The following GRIN2B variants were observed in gnomAD, a reference collection of about 807,000 sequenced individuals.
GRIN2B encodes the protein glutamate ionotropic receptor NMDA type subunit 2B, also known as glutamate receptor ionotropic, NMDA 2B.
A neutral mutation model predicts 114.5 loss-of-function variants in GRIN2B; 5 were observed. The ratio of observed to expected loss-of-function variants is 0.04; its 90% CI spans 0.02 to 0.09. The LOEUF (loss-of-function observed/expected upper bound fraction) is 0.09. GRIN2B is among the 10% of genes least tolerant of loss of function. GRIN2B has a pLI of 1.00. For synonymous variants in GRIN2B, 787 were observed against 745.1 expected (o/e 1.06, Z -0.92); for missense variants, 1,108 against 1,943.5 (o/e 0.57, Z 8.08).
Position 13,564,702 on chromosome 12 carries a change from ACT to A in GRIN2B, c.2599-65_2599-64del. On this transcript the variant is annotated intron_variant, in intron 13 of 13. Coordinates refer to ENST00000609686, the MANE Select transcript of GRIN2B (RefSeq NM_000834.5). The surrounding 1 kb of genome is among the most constrained non-coding windows in gnomAD (Gnocchi z 4.8). Reference sequence around the variant, plus strand: ...GAGGCTAGAAATGACCACAAAAAACACTCTCCCACCAATAATTGCTCCAACTG... The same window carrying A: ...GAGGCTAGAAATGACCACAAAAAACACTCCCACCAATAATTGCTCCAACTG... 1 of 1,394,328 alleles carries A rather than the reference ACT, an allele frequency of 7.2e-7. No individual in the cohort carries two copies. Among genetic ancestry groups the A allele is most frequent in the East Asian group, 2.3e-5 (1 of 43,830 alleles). The allele number at this position is 1,394,328 out of a possible 1,614,324, so 86.4% of individuals were successfully genotyped here. A position where few individuals can be genotyped will look rare whatever the true frequency, so the allele number is the denominator to read the frequency against.
At chr12:13,945,218 T>G (rs1261649505) in intron 2 of GRIN2B, among the ~76,000 whole-genome samples, 1 of 152,126 alleles carries the variant, frequency 6.6e-6, no homozygotes, top group East Asian at 1.9e-4. Flanking sequence ...AAAATGCAAC[T>G]AAGCACCTGC....
chr12:13,968,530 A>G (rs537366001), intron 2 of GRIN2B, among the ~76,000 whole-genome samples: 1 of 152,340 alleles, frequency 6.6e-6, no homozygotes, highest in African/African-American at 2.4e-5. Context: ...GCCAAAGACC[A>G]GTGCCTCTCT....
At chr12:13,977,901 T>C (rs1380931883) in intron 2 of GRIN2B, among the ~76,000 whole-genome samples, 2 of 152,150 alleles carry the variant, frequency 1.3e-5, no homozygotes, top group African/African-American at 4.8e-5. Flanking sequence ...CCCCACCCAC[T>C]TTTTCCTCTC....
intron 2 of GRIN2B, among the ~76,000 whole-genome samples, chr12:13,905,296 T>C (rs1451414430): frequency 6.6e-6 from 1 of 152,202 alleles, no homozygotes; most frequent in Non-Finnish European, 1.5e-5. Context: ...GTTCACTAAT[T>C]CTCTCTTTAG....
rs1391052456 is a variant in GRIN2B, at chr12:13,753,400, A to G, written c.927T>C (p.Ser309=). 7 of 1,613,824 alleles carry G rather than the reference A, an allele frequency of 4.3e-6. 1 individual carries two copies. The highest frequency in any genetic ancestry group is 1.7e-6 in the Non-Finnish European group (2 of 1,179,774). The part of the protein sequence containing the change: ...IITTAASDML[S]EHSFIPEPKS... ...TGGGCTCAGGGATGAAGCTGTGCTC[A>G]GACAGCATGTCAGAAGCAGCAGTGG... Residue 309 remains serine, a synonymous_variant, in exon 4 of 14, where the codon TCT becomes TCC. Transcript: ENST00000609686. The surrounding 1 kb of genome is among the most constrained non-coding windows in gnomAD (Gnocchi z 6.2).
intron 2 of GRIN2B, among the ~76,000 whole-genome samples, chr12:13,892,692 C>G (rs1015630822): frequency 6.6e-6 from 1 of 152,204 alleles, no homozygotes; most frequent in East Asian, 1.9e-4. Flanking sequence ...ACAAAACAGT[C>G]TCCTAAGCTT....
At chr12:13,804,085 G>C (rs1225893365) in intron 3 of GRIN2B, among the ~76,000 whole-genome samples, 3 of 151,296 alleles carry the variant, frequency 2.0e-5, no homozygotes, top group Non-Finnish European at 4.4e-5. Flanking sequence ...ATTCCTGGGT[G>C]ATCAAGTATA....
intron 4 of GRIN2B, among the ~76,000 whole-genome samples, chr12:13,700,586 G>A (rs568219190): frequency 6.6e-6 from 1 of 152,240 alleles, no homozygotes; most frequent in East Asian, 1.9e-4. Flanking sequence ...CAAGTGGAAA[G>A]GCCCACATGG....
chr12:13,811,215 C>T (rs1365063152), intron 3 of GRIN2B, among the ~76,000 whole-genome samples: 1 of 152,242 alleles, frequency 6.6e-6, no homozygotes, highest in Admixed American at 6.5e-5. Context: ...CTCCTATTCT[C>T]ATCTGGTAAG....
At chr12:13,623,370 G>A (rs1949536437) in intron 5 of GRIN2B, among the ~76,000 whole-genome samples, 1 of 152,176 alleles carries the variant, frequency 6.6e-6, no homozygotes, top group Admixed American at 6.6e-5. Flanking sequence ...TGTTCTCAAT[G>A]GTGCCAGAAT....
intron 2 of GRIN2B, among the ~76,000 whole-genome samples, chr12:13,866,652 A>C (rs149016879): frequency 1.3e-5 from 2 of 152,316 alleles, no homozygotes; most frequent in East Asian, 3.9e-4. Flanking sequence ...GGTGAGCAAC[A>C]GAACATGGGC....
At chr12:13,592,226 G>A (rs555261222) in intron 10 of GRIN2B, among the ~76,000 whole-genome samples, 7 of 152,268 alleles carry the variant, frequency 4.6e-5, no homozygotes, top group East Asian at 1.9e-4. Flanking sequence ...AGAGGCCCTC[G>A]CTGGCAGGAA....
chr12:13,855,984 C>G (rs1865654411), intron 3 of GRIN2B, among the ~76,000 whole-genome samples: 1 of 152,178 alleles, frequency 6.6e-6, no homozygotes, highest in Non-Finnish European at 1.5e-5. Context: ...TGAGCCTACT[C>G]TACAGCAAGA....
At chr12:13,918,316 G>A (rs1001423851) in intron 2 of GRIN2B, among the ~76,000 whole-genome samples, 2 of 152,126 alleles carry the variant, frequency 1.3e-5, no homozygotes, top group Admixed American at 6.5e-5. Flanking sequence ...GAGGCAGGAG[G>A]ATAACTTGGG....
chr12:13,614,602 C>T (rs12582333), intron 8 of GRIN2B, among the ~76,000 whole-genome samples: 53,032 of 152,026 alleles, frequency 0.35, 10,698 homozygotes, highest in East Asian at 0.8. Context: ...ATCAGATCAG[C>T]TCTATCTGGC....
rs147733440 is a variant in GRIN2B at position 13,805,079 on chromosome 12, C to T, written c.412-51164G>A. Among the ~76,000 whole-genome samples, 42 of 152,192 alleles carry T rather than the reference C, an allele frequency of 2.8e-4. 1 individual carries two copies. The East Asian group carries it at 6.4e-3, about 23-fold the overall frequency. On this transcript the variant is annotated intron_variant, in intron 3 of 13. Transcript: ENST00000609686. ...AATTGTCCCCATTTTATTTAGAAGT[C>T]AATTTATTTCATTTTTTAGTATTTA...
chr12:13,584,763 T>C lies in GRIN2B; in HGVS notation c.2011-12799A>G, dbSNP rs1055114322. Among the ~76,000 whole-genome samples, 13 of 152,338 alleles carry C rather than the reference T, an allele frequency of 8.5e-5. 1 individual carries two copies. The South Asian group carries it at 1.4e-3, about 17-fold the overall frequency. Reference sequence around the variant, plus strand: ...AAAAATGTGACAGAGTTAGAGATGATTATGATAACATGGAGATGAAGTGAA... The same window carrying C: ...AAAAATGTGACAGAGTTAGAGATGACTATGATAACATGGAGATGAAGTGAA... On this transcript the variant is annotated intron_variant, in intron 10 of 13. Transcript: ENST00000609686.
intron 2 of GRIN2B, among the ~76,000 whole-genome samples, chr12:13,900,520 A>T (rs1866429261): frequency 6.6e-6 from 1 of 152,152 alleles, no homozygotes; most frequent in African/African-American, 2.4e-5. Context: ...ATTGTTCCAA[A>T]TTCTGAAGCA....
At chr12:13,831,718 A>G (rs1009192081) in intron 3 of GRIN2B, among the ~76,000 whole-genome samples, 1 of 152,242 alleles carries the variant, frequency 6.6e-6, no homozygotes, top group Non-Finnish European at 1.5e-5. Context: ...TGTCTGCACC[A>G]GGCCAGACCT....
Sources: gnomAD v4.1 joint callset for allele counts (sites outside exome capture counted in the v4.1 genomes callset) on GRCh38, gnomAD v4.1.1 for gene constraint, Gnocchi (gnomAD v3.1) non-coding constraint, MANE v1.5 for transcripts, NCBI Gene and HGNC (gene_info 2026-07-23, HGNC 2026-07-21) for gene names.